Variants in PDE4D observed in about 807,000 individuals in gnomAD.
PDE4D encodes the protein phosphodiesterase 4D.
In PDE4D, 24 loss-of-function variants were observed where a neutral mutation model predicts 87.4. The ratio of observed to expected loss-of-function variants is 0.27; its 90% CI spans 0.20 to 0.39. The LOEUF (loss-of-function observed/expected upper bound fraction) is 0.39, where lower values mean the gene tolerates loss of function less well. Among genes scored for constraint, PDE4D ranks in the 10% least tolerant of loss-of-function variants. The probability of loss-of-function intolerance (pLI) is 1.00; values close to 1 mark genes in which losing one functional copy is unlikely to be tolerated. For missense variants in PDE4D, 714 were observed against 1,041.0 expected, an observed-to-expected ratio of 0.69 and a Z score of 4.32; for synonymous variants, 384 against 383.2, an observed-to-expected ratio of 1.00 and a Z score of -0.02.
chr5:60,332,074 T>G (rs1279429627), intron 1 of PDE4D, among the ~76,000 whole-genome samples: 3 of 152,222 alleles, frequency 2.0e-5, no homozygotes, highest in African/African-American at 7.2e-5. Context: ...TGTGTGGATT[T>G]AAATAACTCT....
At chr5:59,769,730 G>A (rs1196040166) in intron 1 of PDE4D, among the ~76,000 whole-genome samples, 2 of 152,092 alleles carry the variant, frequency 1.3e-5, no homozygotes, top group East Asian at 1.9e-4. Context: ...CAGTAGCTTA[G>A]TGATGCTACA....
intron 1 of PDE4D, among the ~76,000 whole-genome samples, chr5:60,241,527 G>C (rs1483584177): frequency 6.6e-6 from 1 of 152,016 alleles, no homozygotes; most frequent in Non-Finnish European, 1.5e-5. Context: ...GTCCGCCTTG[G>C]CCTCCCAAAG....
chr5:59,699,138 C>T (rs1752217775), intron 1 of PDE4D, among the ~76,000 whole-genome samples: 2 of 152,076 alleles, frequency 1.3e-5, no homozygotes, highest in South Asian at 4.1e-4. Flanking sequence ...TGATCTACAG[C>T]TGGGGAAATG....
At chr5:59,998,158 T>G (rs1763684645) in intron 2 of PDE4D, among the ~76,000 whole-genome samples, 1 of 152,230 alleles carries the variant, frequency 6.6e-6, no homozygotes, top group African/African-American at 2.4e-5. Flanking sequence ...AGACCAGGTT[T>G]AGCTGATATC....
intron 1 of PDE4D, among the ~76,000 whole-genome samples, chr5:60,261,452 T>C (rs924038378): frequency 2.0e-5 from 3 of 152,180 alleles, no homozygotes; most frequent in Non-Finnish European, 2.9e-5. Context: ...TAGAGGAATT[T>C]CAATATGTAA....
At chr5:60,344,470 G>T (rs1391405940) in intron 1 of PDE4D, among the ~76,000 whole-genome samples, 1 of 151,832 alleles carries the variant, frequency 6.6e-6, no homozygotes, top group Non-Finnish European at 1.5e-5. Flanking sequence ...TATATCAATG[G>T]TCTATTAGAC....
chr5:59,893,163 C>T lies in PDE4D; in HGVS notation c.455+5G>A. The T allele has an allele frequency of 6.4e-7, 1 of 1,556,042 alleles. No individual in the cohort carries two copies. Among genetic ancestry groups the T allele is most frequent in the Non-Finnish European group, 8.7e-7 (1 of 1,150,022 alleles). ...TGAATGGGGGAGGGGGCGCTCTCCACTCACCGCCTGAGTCCCTGGAACGAG... is the reference window on the plus strand; with the variant it reads ...TGAATGGGGGAGGGGGCGCTCTCCATTCACCGCCTGAGTCCCTGGAACGAG... On this transcript the variant is annotated splice_donor_5th_base_variant and intron_variant, in intron 1 of 14. Coordinates refer to ENST00000340635, the MANE Select transcript of PDE4D (RefSeq NM_001104631.2).
At chr5:59,042,863 G>C (rs1158985524) in intron 5 of PDE4D, among the ~76,000 whole-genome samples, 1 of 152,174 alleles carries the variant, frequency 6.6e-6, no homozygotes. Flanking sequence ...CTGAAACTGT[G>C]CCAGGGGCTC....
intron 1 of PDE4D, among the ~76,000 whole-genome samples, chr5:59,490,464 G>A (rs765122947): frequency 6.6e-6 from 1 of 152,182 alleles, no homozygotes; most frequent in East Asian, 1.9e-4. Context: ...CCACTTTGAA[G>A]ATGAAGCTGG....
intron 1 of PDE4D, among the ~76,000 whole-genome samples, chr5:59,640,994 C>A (rs1024569641): frequency 6.6e-6 from 1 of 152,120 alleles, no homozygotes; most frequent in Non-Finnish European, 1.5e-5. Flanking sequence ...TTCCCATATA[C>A]TGCTACTCAG....
intron 1 of PDE4D, among the ~76,000 whole-genome samples, chr5:60,458,122 C>T (rs1254469255): frequency 1.3e-5 from 2 of 152,108 alleles, no homozygotes; most frequent in African/African-American, 4.8e-5. Context: ...CAGTGGCTTA[C>T]ACCTGTAATC....
intron 1 of PDE4D, among the ~76,000 whole-genome samples, chr5:59,772,766 G>A (rs756344602): frequency 2.6e-4 from 40 of 152,302 alleles, no homozygotes; most frequent in Non-Finnish European, 4.7e-4. Flanking sequence ...AAAGGAAATC[G>A]CTTTCAAATT....
At chr5:59,121,542 A>G (rs1350585100) in intron 5 of PDE4D, among the ~76,000 whole-genome samples, 1 of 151,912 alleles carries the variant, frequency 6.6e-6, no homozygotes, top group Non-Finnish European at 1.5e-5. Flanking sequence ...AATGCAAAAA[A>G]TAATAAAAAA....
intron 1 of PDE4D, among the ~76,000 whole-genome samples, chr5:59,784,344 G>C (rs1033400745): frequency 2.0e-5 from 3 of 151,710 alleles, no homozygotes; most frequent in Non-Finnish European, 4.4e-5. Flanking sequence ...ATTAAAGTCA[G>C]TACAAATGAT....
intron 1 of PDE4D, among the ~76,000 whole-genome samples, chr5:59,563,765 C>T (rs1166630086): frequency 6.6e-6 from 1 of 152,188 alleles, no homozygotes; most frequent in Non-Finnish European, 1.5e-5. Context: ...GTTTCACCAT[C>T]CCTCACAGGG....
intron 1 of PDE4D, among the ~76,000 whole-genome samples, chr5:59,272,195 G>T (rs544397476): frequency 1.2e-4 from 18 of 151,990 alleles, no homozygotes; most frequent in Non-Finnish European, 2.5e-4. Context: ...TGTTCTGTCA[G>T]CAGGAAAGAA....
At chr5:60,362,906 T>C (rs2149960246) in intron 1 of PDE4D, among the ~76,000 whole-genome samples, 1 of 152,092 alleles carries the variant, frequency 6.6e-6, no homozygotes, top group Non-Finnish European at 1.5e-5. Flanking sequence ...CTGTTTGATG[T>C]TTAAAAGATT....
intron 1 of PDE4D, among the ~76,000 whole-genome samples, chr5:59,485,085 A>T (rs1419655482): frequency 6.6e-6 from 1 of 152,218 alleles, no homozygotes; most frequent in African/African-American, 2.4e-5. Flanking sequence ...CATAGAGATT[A>T]AAGCAAATTA....
At chr5:60,107,076 T>C (rs1289570281) in intron 2 of PDE4D, among the ~76,000 whole-genome samples, 1 of 152,116 alleles carries the variant, frequency 6.6e-6, no homozygotes, top group Non-Finnish European at 1.5e-5. Context: ...GGAGCTGGTT[T>C]TTTGAAAAGA....
Sources: gnomAD v4.1 joint callset for allele counts (sites outside exome capture counted in the v4.1 genomes callset) on GRCh38, gnomAD v4.1.1 for gene constraint, MANE v1.5 for transcripts, NCBI Gene and HGNC (gene_info 2026-07-23, HGNC 2026-07-21) for gene names.